The following UBE3A variants were observed in gnomAD, a reference collection of about 807,000 sequenced individuals.
UBE3A encodes ubiquitin protein ligase E3A.
UBE3A carries 6 observed loss-of-function variants against 83.4 expected under a neutral mutation model. That is an observed-to-expected ratio of 0.07 (90% CI 0.04 to 0.14). UBE3A has a LOEUF of 0.14. Ranked by LOEUF, UBE3A falls within the 10% of genes least tolerant of loss-of-function variation. The probability of loss-of-function intolerance (pLI) is 1.00; values close to 1 mark genes in which losing one functional copy is unlikely to be tolerated. For synonymous variants in UBE3A, 337 were observed against 355.4 expected (o/e 0.95, Z 0.58); for missense variants, 456 against 1,036.1 (o/e 0.44, Z 7.69).
At chr15:25,410,526 ATT>A (rs1271736630) in intron 2 of UBE3A, among the ~76,000 whole-genome samples, 1 of 152,212 alleles carries the variant, frequency 6.6e-6, no homozygotes, top group Non-Finnish European at 1.5e-5. Context: ...ACCTTTCATA[ATT>A]AACATCCTCA....
At chr15:25,405,397 G>A (rs529784316) in intron 4 of UBE3A, 64 bp downstream of exon 4, 37 of 1,518,466 alleles carry the variant, frequency 2.4e-5, no homozygotes, top group Non-Finnish European at 2.6e-5. Flanking sequence ...ATAATGTGAC[G>A]TAATTTAAAG....
At chr15:25,400,590 T>A (rs1252432637) in intron 4 of UBE3A, among the ~76,000 whole-genome samples, 2 of 152,230 alleles carry the variant, frequency 1.3e-5, no homozygotes, top group Non-Finnish European at 2.9e-5. Context: ...GGAATTGTCT[T>A]CTTGATTTTT....
chr15:25,437,268 CCTAAATT>C (rs1432368107), intron 1 of UBE3A, among the ~76,000 whole-genome samples: 1 of 152,132 alleles, frequency 6.6e-6, no homozygotes, highest in African/African-American at 2.4e-5. Flanking sequence ...TCTTATCTCT[CCTAAATT>C]CTAAATTTTA....
At chr15:25,413,587 A>C (rs2090380733) in intron 1 of UBE3A, among the ~76,000 whole-genome samples, 1 of 152,154 alleles carries the variant, frequency 6.6e-6, no homozygotes, top group Admixed American at 6.5e-5. Context: ...AAGACTTAAA[A>C]AGTTTTAAAT....
At chr15:25,386,334 A>G (rs2083127757) in intron 4 of UBE3A, among the ~76,000 whole-genome samples, 1 of 152,180 alleles carries the variant, frequency 6.6e-6, no homozygotes, top group African/African-American at 2.4e-5. Context: ...AAAAAATTAC[A>G]GGGCATAATA....
rs1566942248 is a variant in UBE3A, at chr15:25,367,266, T to TATTTGCATATTTGTAAATATGC, written c.1608+3299_1608+3300insGCATATTTACAAATATGCAAAT. ...AAATATTTGCATATTTGTAAATATG[T>TATTTGCATATTTGTAAATATGC]AAATATTTACATATTTAAATTAAAT... On this transcript the variant is annotated intron_variant, in intron 6 of 12. Coordinates refer to ENST00000648336, the MANE Select transcript of UBE3A (RefSeq NM_130839.5). 1.5e-4 allele frequency among the ~76,000 whole-genome samples: 19 copies of TATTTGCATATTTGTAAATATGC among 122,986 alleles called. 1 individual carries two copies. Among genetic ancestry groups the TATTTGCATATTTGTAAATATGC allele is most frequent in the Non-Finnish European group, 1.5e-4 (9 of 60,014 alleles). 80.7% of individuals were successfully genotyped at this position (122,986 alleles called of 152,430 possible).
intron 6 of UBE3A, among the ~76,000 whole-genome samples, chr15:25,367,174 T>TATTTGTAAATATGTAAATATTTACAA (rs2079274131): frequency 1.0e-5 from 1 of 96,932 alleles, no homozygotes; most frequent in African/African-American, 6.5e-5. Context: ...TATATTTACA[T>TATTTGTAAATATGTAAATATTTACAA]ATTTGTAAAT....
At chr15:25,420,103 A>G (rs775449364) in intron 1 of UBE3A, among the ~76,000 whole-genome samples, 14 of 152,174 alleles carry the variant, frequency 9.2e-5, no homozygotes, top group Admixed American at 2.6e-4. Context: ...AGATGCAACT[A>G]TATGCTATCT....
At chr15:25,382,385 G>A (rs1225848649) in intron 4 of UBE3A, among the ~76,000 whole-genome samples, 3 of 146,960 alleles carry the variant, frequency 2.0e-5, no homozygotes, top group East Asian at 2.1e-4. Context: ...TCCAGAATGC[G>A]TGATATATGA....
chr15:25,388,131 A>G (rs1361744479), intron 4 of UBE3A, among the ~76,000 whole-genome samples: 2 of 152,186 alleles, frequency 1.3e-5, no homozygotes, highest in Non-Finnish European at 2.9e-5. Flanking sequence ...CATTACTCTA[A>G]TACCCAAACC....
chr15:25,334,605 GA>G lies in UBE3A; in HGVS notation c.*4531del, dbSNP rs5811379. ...CCAAAACAGACAAAATGATTTTGGG[GA>G]AAAAAAAAAAAAAAATGGAGGACTT... On this transcript the variant is annotated 3_prime_UTR_variant, in exon 13 of 13. Coordinates refer to ENST00000648336, the MANE Select transcript of UBE3A (RefSeq NM_130839.5). 64,229 of 142,072 alleles carry G rather than the reference GA, an allele frequency of 0.45. 14,767 individuals carry two copies. Among genetic ancestry groups the G allele is most frequent in the South Asian group, 0.58 (2,641 of 4,516 alleles). The allele number at this position is 142,072 out of a possible 1,614,324, so 8.8% of individuals were successfully genotyped here.
intron 9 of UBE3A, 139 bp from the exon 10 acceptor site, chr15:25,354,822 CT>C: frequency 2.5e-6 from 2 of 785,242 alleles, no homozygotes; most frequent in Non-Finnish European, 4.0e-6. Context: ...TTTACACCTA[CT>C]TCTTAACAAT....
At chr15:25,372,103 A>G (rs1406782652) in intron 5 of UBE3A, among the ~76,000 whole-genome samples, 2 of 152,192 alleles carry the variant, frequency 1.3e-5, no homozygotes, top group African/African-American at 2.4e-5. Context: ...TATAATCAAG[A>G]TATCTATTAA....
At chr15:25,408,940 T>C in intron 3 of UBE3A, 148 bp downstream of exon 3, 2 of 855,622 alleles carry the variant, frequency 2.3e-6, no homozygotes. Flanking sequence ...ACTAAAATAT[T>C]TTAAGGAGAT....
Position 25,333,967 on chromosome 15 carries a change from A to C in UBE3A, c.*5170T>G, listed in dbSNP as rs1479652417. The C allele has an allele frequency of 6.6e-6, 1 of 152,096 alleles. No individual in the cohort carries two copies. The highest frequency in any genetic ancestry group is 1.5e-5 in the Non-Finnish European group (1 of 68,004). The allele number at this position is 152,096 out of a possible 1,614,324, so 9.4% of individuals were successfully genotyped here. On this transcript the variant is annotated 3_prime_UTR_variant, in exon 13 of 13. Transcript: ENST00000648336. ...AAAAGAATTTCCTCAACTTGAAGCA[A>C]ACCCACAGCTAGCTAACATCATACT...
At chr15:25,400,659 T>C (rs1040118810) in intron 4 of UBE3A, among the ~76,000 whole-genome samples, 6 of 152,232 alleles carry the variant, frequency 3.9e-5, no homozygotes, top group African/African-American at 1.4e-4. Flanking sequence ...ATCTTGATTT[T>C]ATATCTTACA....
At chr15:25,384,855 G>A (rs998330627) in intron 4 of UBE3A, among the ~76,000 whole-genome samples, 6 of 152,042 alleles carry the variant, frequency 3.9e-5, no homozygotes, top group Non-Finnish European at 7.4e-5. Context: ...ACAGAAATAG[G>A]GAAAAGAGGT....
At chr15:25,356,941 T>TAA in intron 7 of UBE3A, 45 bp from the exon 8 acceptor site, 1 of 1,464,738 alleles carries the variant, frequency 6.8e-7, no homozygotes, top group Non-Finnish European at 9.5e-7. Flanking sequence ...TGTATTTTAT[T>TAA]AAGGACTGAT....
At chr15:25,403,955 G>A (rs1322677769) in intron 4 of UBE3A, among the ~76,000 whole-genome samples, 1 of 152,150 alleles carries the variant, frequency 6.6e-6, no homozygotes, top group Non-Finnish European at 1.5e-5. Flanking sequence ...ATAAGGAAAT[G>A]AGGAATTATT....
Sources: gnomAD v4.1 joint callset for allele counts (sites outside exome capture counted in the v4.1 genomes callset) on GRCh38, gnomAD v4.1.1 for gene constraint, MANE v1.5 for transcripts, NCBI Gene and HGNC (gene_info 2026-07-23, HGNC 2026-07-21) for gene names.